Variants in PAPPA2 observed in about 807,000 individuals in gnomAD.
PAPPA2 encodes pappalysin 2.
Under a neutral mutation model 176.4 loss-of-function variants are expected in PAPPA2, and 86 were observed. The observed-to-expected ratio is 0.49, with a 90% CI of 0.41 to 0.58. PAPPA2 has a LOEUF of 0.58. PAPPA2 is among the 20% of genes least tolerant of loss of function. The probability of loss-of-function intolerance (pLI) is 0.00; values close to 1 mark genes in which losing one functional copy is unlikely to be tolerated. For missense variants in PAPPA2, 2,073 were observed against 2,256.9 expected, an observed-to-expected ratio of 0.92 and a Z score of 1.65; for synonymous variants, 809 against 852.2, an observed-to-expected ratio of 0.95 and a Z score of 0.88.
intron 1 of PAPPA2, among the ~76,000 whole-genome samples, chr1:176,496,974 C>T (rs1052092826): frequency 6.6e-6 from 1 of 152,084 alleles, no homozygotes; most frequent in African/African-American, 2.4e-5. Flanking sequence ...GAAACATTCC[C>T]TCAACCTTTT....
chr1:176,821,533 C>T lies in PAPPA2; in HGVS notation c.5203-18640C>T, dbSNP rs75503386. 5.6e-4 allele frequency among the ~76,000 whole-genome samples: 85 copies of T among 152,330 alleles called. 1 individual carries two copies. The East Asian group carries it at 0.011, about 20-fold the overall frequency. On this transcript the variant is annotated intron_variant, in intron 21 of 22. Coordinates refer to ENST00000367662, the MANE Select transcript of PAPPA2 (RefSeq NM_020318.3). ...TGCATCTACAAGTTGGCTAAAGTGA[C>T]TCTCTTAGTTTGTGGTCTGGGTTCA...
chr1:176,541,128 AGT>A (rs1396022405), intron 1 of PAPPA2, among the ~76,000 whole-genome samples: 1 of 152,186 alleles, frequency 6.6e-6, no homozygotes, highest in African/African-American at 2.4e-5. Flanking sequence ...TATTTAGAAA[AGT>A]GATCACTTGA....
chr1:176,474,031 G>A (rs1652005013), intron 1 of PAPPA2, among the ~76,000 whole-genome samples: 1 of 152,178 alleles, frequency 6.6e-6, no homozygotes, highest in Non-Finnish European at 1.5e-5. Context: ...AAACAGTAAA[G>A]TATGTATTAC....
At chr1:176,836,094 A>G (rs183519308) in intron 21 of PAPPA2, among the ~76,000 whole-genome samples, 201 of 152,282 alleles carry the variant, frequency 1.3e-3, no homozygotes, top group Non-Finnish European at 2.9e-4. Flanking sequence ...ATTTGTGTAG[A>G]TTTACAGAGA....
intron 21 of PAPPA2, among the ~76,000 whole-genome samples, chr1:176,815,978 A>G (rs988108001): frequency 5.3e-5 from 8 of 151,306 alleles, no homozygotes; most frequent in Non-Finnish European, 1.2e-4. Flanking sequence ...CTTTTTCCAC[A>G]AGGAACCTTC....
intron 21 of PAPPA2, among the ~76,000 whole-genome samples, chr1:176,819,314 T>G (rs1666559885): frequency 6.6e-6 from 1 of 152,008 alleles, no homozygotes; most frequent in South Asian, 2.1e-4. Flanking sequence ...TATTGACAGT[T>G]TTGTTGTTGT....
intron 3 of PAPPA2, among the ~76,000 whole-genome samples, chr1:176,651,941 T>C (rs1445064094): frequency 6.6e-6 from 1 of 151,678 alleles, no homozygotes; most frequent in Non-Finnish European, 1.5e-5. Flanking sequence ...TCTAATATAA[T>C]TTTAGTTCAG....
At chr1:176,842,338 T>C in intron 22 of PAPPA2, 42 bp from the exon 23 acceptor site, 2 of 1,537,874 alleles carry the variant, frequency 1.3e-6, no homozygotes, top group Non-Finnish European at 1.8e-6. Context: ...TGTGAAGCTA[T>C]CACAGAAATG....
chr1:176,580,573 T>G (rs1652905398), intron 2 of PAPPA2, among the ~76,000 whole-genome samples: 1 of 152,234 alleles, frequency 6.6e-6, no homozygotes, highest in Non-Finnish European at 1.5e-5. Flanking sequence ...TTCTCCACAG[T>G]GGCTGTACTA....
chr1:176,662,553 T>A (rs1658414446), intron 3 of PAPPA2, among the ~76,000 whole-genome samples: 1 of 152,052 alleles, frequency 6.6e-6, no homozygotes, highest in South Asian at 2.1e-4. Context: ...TTCATGTGTA[T>A]GTTGGTTCAA....
rs959381825 is a variant in PAPPA2 at position 176,625,167 on chromosome 1, C to G, written c.1991+29572C>G. On this transcript the variant is annotated intron_variant, in intron 3 of 22. Coordinates refer to ENST00000367662, the MANE Select transcript of PAPPA2 (RefSeq NM_020318.3). ...TAAGAAAGCCAGGGCTCACTCTGAC[C>G]CACTGGACACTGAGTCTGACAGCAT... Among the ~76,000 whole-genome samples the G allele has an allele frequency of 3.3e-5, 5 of 152,142 alleles. No homozygotes were observed. In the South Asian group the frequency reaches 1.0e-3, roughly 32 times the overall value.
chr1:176,655,263 A>G (rs1657968130), intron 3 of PAPPA2, among the ~76,000 whole-genome samples: 1 of 151,800 alleles, frequency 6.6e-6, no homozygotes, highest in Admixed American at 6.6e-5. Flanking sequence ...TAGTTTGCTC[A>G]TGGTTTTTAT....
Position 176,739,538 on chromosome 1 carries a change from GCTCT to G in PAPPA2, c.3799-85_3799-82del, listed in dbSNP as rs551278639. ...GAAGCTCTTACTTTATAAATAGTGA[GCTCT>G]CTAAGAAGAATAAAAATTGTATAGC... On this transcript the variant is annotated intron_variant, in intron 12 of 22. Transcript: ENST00000367662. 2.1e-4 allele frequency: 289 copies of G among 1,364,968 alleles called. 1 individual carries two copies. The African/African-American group carries it at 3.8e-3, about 18-fold the overall frequency. 84.6% of individuals were successfully genotyped at this position (1,364,968 alleles called of 1,614,324 possible). A position where few individuals can be genotyped will look rare whatever the true frequency, so the allele number is the denominator to read the frequency against.
In PAPPA2 at chr1:176,594,292, A is replaced by G. The variant is rs868104793; in HGVS notation, c.920-232A>G. ...CATTTTAGTTATGTAAACATACCAG[A>G]ATGAGTTAACTTGGGTGGAATCTCA... is the stretch of plus-strand genomic sequence containing the variant. On this transcript the variant is annotated intron_variant, in intron 2 of 22. Transcript: ENST00000367662. Among the ~76,000 whole-genome samples, 47 of 152,338 alleles carry G rather than the reference A, an allele frequency of 3.1e-4. No homozygotes were observed. The Middle Eastern group carries it at 0.01, about 33-fold the overall frequency.
intron 20 of PAPPA2, among the ~76,000 whole-genome samples, chr1:176,797,316 T>TCA (rs1665487436): frequency 6.6e-6 from 1 of 152,180 alleles, no homozygotes; most frequent in Admixed American, 6.5e-5. Context: ...ATTATAGCTT[T>TCA]ATATGATTGT....
At position 176,774,539 on chromosome 1, in the gene PAPPA2, A is replaced by G. The variant is rs1664368465; in HGVS notation, c.4715+3359A>G. On this transcript the variant is annotated intron_variant, in intron 17 of 22. Transcript: ENST00000367662. ...AAATCAGTTATCAACTCTGAGTGTCATTATCTTACTGACTCAGATATGCTT... is the reference window on the plus strand; with the variant it reads ...AAATCAGTTATCAACTCTGAGTGTCGTTATCTTACTGACTCAGATATGCTT... Among the ~76,000 whole-genome samples, 3 of 152,102 alleles carry G rather than the reference A, an allele frequency of 2.0e-5. No homozygotes were observed. The South Asian group carries it at 6.2e-4, about 32-fold the overall frequency.
rs576821322 is a variant in PAPPA2 at position 176,630,541 on chromosome 1, G to A, written c.1991+34946G>A. Reference sequence around the variant, plus strand: ...GATGATGTGACAGGATCAACATTTTGTAGAAGTATGGAGAATGGGTTGGAG... The same window carrying A: ...GATGATGTGACAGGATCAACATTTTATAGAAGTATGGAGAATGGGTTGGAG... On this transcript the variant is annotated intron_variant, in intron 3 of 22. Transcript: ENST00000367662. Among the ~76,000 whole-genome samples the A allele has an allele frequency of 2.0e-5, 3 of 152,258 alleles. No individual in the cohort carries two copies. The South Asian group carries it at 6.2e-4, about 32-fold the overall frequency.
chr1:176,545,861 T>C (rs562199562), intron 1 of PAPPA2, among the ~76,000 whole-genome samples: 2 of 152,310 alleles, frequency 1.3e-5, no homozygotes, highest in Admixed American at 1.3e-4. Flanking sequence ...TGTCAAATTA[T>C]TGAGTCTCAG....
chr1:176,591,629 C>G (rs937454509), intron 2 of PAPPA2, among the ~76,000 whole-genome samples: 4 of 152,154 alleles, frequency 2.6e-5, no homozygotes, highest in African/African-American at 7.2e-5. Flanking sequence ...GATAGTATTG[C>G]TTTGTAAATA....
Sources: gnomAD v4.1 joint callset for allele counts (sites outside exome capture counted in the v4.1 genomes callset) on GRCh38, gnomAD v4.1.1 for gene constraint, MANE v1.5 for transcripts, NCBI Gene and HGNC (gene_info 2026-07-23, HGNC 2026-07-21) for gene names.